The following CEP295 variants were observed in gnomAD, a reference collection of about 807,000 sequenced individuals.
CEP295 encodes centrosomal protein of 295 kDa.
CEP295 carries 190 observed loss-of-function variants against 291.6 expected under a neutral mutation model. That is an observed-to-expected ratio of 0.65 (90% CI 0.58 to 0.73). The LOEUF is 0.73. Among genes scored for constraint, CEP295 ranks in the 30% least tolerant of loss-of-function variants. The pLI, the probability that CEP295 is intolerant of heterozygous loss-of-function variation, is 0.00. For synonymous variants in CEP295, 993 were observed against 1,038.8 expected, an observed-to-expected ratio of 0.96 and a Z score of 0.85; for missense variants, 2,863 against 2,949.4, an observed-to-expected ratio of 0.97 and a Z score of 0.68.
chr11:93,684,428 A>G (rs1951125256), intron 9 of CEP295, among the ~76,000 whole-genome samples: 1 of 152,184 alleles, frequency 6.6e-6, no homozygotes, highest in African/African-American at 2.4e-5. Flanking sequence ...TCTGATAGCA[A>G]TAACTTAAGC....
intron 6 of CEP295, among the ~76,000 whole-genome samples, chr11:93,676,745 A>C (rs889800984): frequency 6.6e-6 from 1 of 152,020 alleles, no homozygotes; most frequent in Non-Finnish European, 1.5e-5. Flanking sequence ...ACTAAGATTG[A>C]TGATGAATTT....
At chr11:93,720,083 C>T (rs12803913) in intron 18 of CEP295, among the ~76,000 whole-genome samples, 8,077 of 144,570 alleles carry the variant, frequency 0.056, 321 homozygotes, top group Non-Finnish European at 0.085. Context: ...AAAAGCTGGG[C>T]GTAGTGGCTC....
At chr11:93,709,673 A>G (rs1021980707) in intron 18 of CEP295, among the ~76,000 whole-genome samples, 4 of 152,012 alleles carry the variant, frequency 2.6e-5, no homozygotes, top group African/African-American at 9.6e-5. Flanking sequence ...TTCTATTTCT[A>G]TGAAGAATAT....
intron 7 of CEP295, among the ~76,000 whole-genome samples, chr11:93,680,281 C>CA (rs930645547): frequency 4.6e-5 from 7 of 151,660 alleles, no homozygotes; most frequent in Admixed American, 3.3e-4. Context: ...GACCCTGTCT[C>CA]AAAAAAAATT....
At chr11:93,669,018 T>C in intron 4 of CEP295, 86 bp downstream of exon 4, 2 of 674,344 alleles carry the variant, frequency 3.0e-6, no homozygotes, top group Non-Finnish European at 4.9e-6. Context: ...TAAGCAAATA[T>C]TAAATAAACA....
intron 10 of CEP295, 94 bp downstream of exon 10, chr11:93,687,959 G>A: frequency 1.3e-5 from 10 of 788,154 alleles, no homozygotes; most frequent in South Asian, 7.1e-5. Flanking sequence ...GAGGTTAAAA[G>A]GAACAAAACA....
intron 15 of CEP295, among the ~76,000 whole-genome samples, chr11:93,701,957 GT>G (rs1271416278): frequency 6.6e-6 from 1 of 150,584 alleles, no homozygotes; most frequent in Non-Finnish European, 1.5e-5. Context: ...TGTTGTTGTT[GT>G]TGTTGTTGTT....
chr11:93,721,782 A>G (rs1388575037), intron 19 of CEP295, 172 bp from the exon 20 acceptor site: 1 of 730,838 alleles, frequency 1.4e-6, no homozygotes, highest in Non-Finnish European at 2.5e-6. Context: ...TGTCTATGAA[A>G]GCCTAATCAT....
At chr11:93,664,401 A>G (rs1467756652) in intron 1 of CEP295, among the ~76,000 whole-genome samples, 1 of 152,238 alleles carries the variant, frequency 6.6e-6, no homozygotes, top group Admixed American at 6.5e-5. Context: ...AAGTCCTTTA[A>G]CCCAAGAGGC....
intron 5 of CEP295, among the ~76,000 whole-genome samples, chr11:93,670,636 C>T (rs760535142): frequency 2.0e-5 from 3 of 152,124 alleles, no homozygotes; most frequent in Non-Finnish European, 4.4e-5. Context: ...CCTGCTTGTA[C>T]GTTGAGCCAT....
At position 93,706,768 on chromosome 11, in the gene CEP295, A is replaced by G; in HGVS notation, c.5620A>G (p.Arg1874Gly). The G allele has an allele frequency of 6.5e-7, 1 of 1,545,702 alleles. No individual in the cohort carries two copies. The highest frequency in any genetic ancestry group is 1.4e-5 in the African/African-American group (1 of 72,884). Reference sequence around the variant, plus strand: ...AGGTAAACCAGGTATTTATGAAGACAGAGACCCCCTGCGAGTCTCAATAAG... The same window carrying G: ...AGGTAAACCAGGTATTTATGAAGACGGAGACCCCCTGCGAGTCTCAATAAG... ...ILGKPGIYED[R>G]DPLRVSISRE... The change falls in exon 18 of 30, where the codon AGA becomes GGA. Residue 1874 changes from arginine (R) to glycine (G), a missense_variant. Physicochemically the swap from Arg to Gly is moderately radical, Grantham distance 125. Coordinates refer to ENST00000325212, the MANE Select transcript of CEP295 (RefSeq NM_033395.2).
intron 7 of CEP295, among the ~76,000 whole-genome samples, chr11:93,681,477 G>A (rs149671064): frequency 0.02 from 2,706 of 135,082 alleles, 105 homozygotes; most frequent in African/African-American, 0.067. Context: ...GTGCAATGGC[G>A]TGATCTTGGC....
At chr11:93,701,128 G>A (rs1224484820) in intron 15 of CEP295, among the ~76,000 whole-genome samples, 1 of 152,154 alleles carries the variant, frequency 6.6e-6, no homozygotes, top group Non-Finnish European at 1.5e-5. Context: ...ACTTTGAGAG[G>A]CCGTGGCAGG....
chr11:93,666,639 A>T, intron 1 of CEP295, 43 bp from the exon 2 acceptor site: 1 of 748,616 alleles, frequency 1.3e-6, no homozygotes, highest in Non-Finnish European at 2.2e-6. Context: ...GCCCTATTTT[A>T]ATGTTACATT....
At chr11:93,719,246 G>GT (rs61255145) in intron 18 of CEP295, among the ~76,000 whole-genome samples, 10,362 of 135,386 alleles carry the variant, frequency 0.077, 1,033 homozygotes, top group African/African-American at 0.24. Flanking sequence ...TTTTTTCCGG[G>GT]TTTTTTTTTT....
At chr11:93,717,432 G>A (rs1953352090) in intron 18 of CEP295, among the ~76,000 whole-genome samples, 1 of 152,192 alleles carries the variant, frequency 6.6e-6, no homozygotes, top group African/African-American at 2.4e-5. Flanking sequence ...CTCAGTAAAT[G>A]GCTATTTAGG....
At chr11:93,665,036 G>A (rs1351544243) in intron 1 of CEP295, among the ~76,000 whole-genome samples, 2 of 152,188 alleles carry the variant, frequency 1.3e-5, no homozygotes, top group African/African-American at 4.8e-5. Flanking sequence ...ATGTATTAGA[G>A]TTGGGCAAAT....
At chr11:93,724,125 A>G in intron 21 of CEP295, 129 bp from the exon 22 acceptor site, 1 of 815,414 alleles carries the variant, frequency 1.2e-6, no homozygotes, top group South Asian at 1.9e-5. Context: ...AGTTTTTGTT[A>G]CACTGGAGTT....
At chr11:93,667,419 G>A (rs1278977895) in intron 2 of CEP295, among the ~76,000 whole-genome samples, 188 bp from the exon 3 acceptor site, 1 of 152,132 alleles carries the variant, frequency 6.6e-6, no homozygotes, top group African/African-American at 2.4e-5. Flanking sequence ...ATATAGTCTT[G>A]AGATTTTTAC....
Sources: allele counts gnomAD v4.1 joint callset (sites outside exome capture counted in the v4.1 genomes callset), GRCh38; gene constraint gnomAD v4.1.1; transcripts MANE v1.5; gene names NCBI Gene and HGNC (gene_info 2026-07-23, HGNC 2026-07-21).